Variants in CNTN5 observed in about 807,000 individuals in gnomAD.
CNTN5 encodes contactin-5.
A neutral mutation model predicts 129.1 loss-of-function variants in CNTN5; 77 were observed. That is an observed-to-expected ratio of 0.60 (90% confidence interval 0.50 to 0.72). The LOEUF (loss-of-function observed/expected upper bound fraction) is 0.72, where lower values mean the gene tolerates loss of function less well. Among genes scored for constraint, CNTN5 ranks in the 30% least tolerant of loss-of-function variants. CNTN5 has a pLI of 0.00. For missense variants in CNTN5, 1,478 were observed against 1,328.8 expected, an observed-to-expected ratio of 1.11 and a Z score of -1.75; for synonymous variants, 509 against 465.6, an observed-to-expected ratio of 1.09 and a Z score of -1.20.
intron 3 of CNTN5, among the ~76,000 whole-genome samples, chr11:99,628,650 A>C (rs948861724): frequency 6.6e-6 from 1 of 151,478 alleles, no homozygotes; most frequent in African/African-American, 2.4e-5. Flanking sequence ...ACACACACAC[A>C]CAGAAAGAGA....
chr11:99,737,798 C>T (rs1224582307), intron 3 of CNTN5, among the ~76,000 whole-genome samples: 1 of 152,092 alleles, frequency 6.6e-6, no homozygotes, highest in Non-Finnish European at 1.5e-5. Context: ...CTCGACTAAG[C>T]CTTCAGGATA....
intron 13 of CNTN5, among the ~76,000 whole-genome samples, chr11:100,117,854 T>C (rs1329753261): frequency 6.6e-6 from 1 of 151,814 alleles, no homozygotes; most frequent in East Asian, 1.9e-4. Flanking sequence ...GTCAATTGAA[T>C]ACCGTACTTC....
intron 1 of CNTN5, among the ~76,000 whole-genome samples, chr11:99,166,480 A>G (rs1235409209): frequency 6.6e-6 from 1 of 152,068 alleles, no homozygotes; most frequent in Non-Finnish European, 1.5e-5. Flanking sequence ...ATTTTCCTTA[A>G]GCCTCTCAGG....
At chr11:99,799,705 C>CT (rs972523470) in intron 3 of CNTN5, among the ~76,000 whole-genome samples, 8 of 151,822 alleles carry the variant, frequency 5.3e-5, no homozygotes, top group Non-Finnish European at 2.9e-5. Flanking sequence ...ATGTAATTTT[C>CT]TTTTTTTGTT....
At chr11:100,051,367 A>C (rs1373422917) in intron 9 of CNTN5, among the ~76,000 whole-genome samples, 1 of 152,112 alleles carries the variant, frequency 6.6e-6, no homozygotes, top group East Asian at 1.9e-4. Context: ...CCAAATATTT[A>C]GAAATTCAAA....
chr11:99,150,742 T>C (rs1316485736), intron 1 of CNTN5, among the ~76,000 whole-genome samples: 3 of 152,078 alleles, frequency 2.0e-5, no homozygotes. Flanking sequence ...ATTTTAAAGT[T>C]AAGGATAGTG....
At chr11:99,957,039 G>C in intron 8 of CNTN5, 30 bp downstream of exon 8, 2 of 1,581,950 alleles carry the variant, frequency 1.3e-6, no homozygotes, top group Non-Finnish European at 1.7e-6. Context: ...AAAATGGTCA[G>C]CCAACTCTAA....
At chr11:99,959,615 A>G (rs1359007805) in intron 8 of CNTN5, among the ~76,000 whole-genome samples, 3 of 152,202 alleles carry the variant, frequency 2.0e-5, no homozygotes, top group African/African-American at 7.2e-5. Context: ...TCATTATGTT[A>G]ATTGAACTGA....
chr11:99,928,875 T>G (rs1950125816), intron 7 of CNTN5, among the ~76,000 whole-genome samples: 1 of 152,232 alleles, frequency 6.6e-6, no homozygotes, highest in Non-Finnish European at 1.5e-5. Flanking sequence ...CTGCAAATTT[T>G]CTGAACTTCT....
intron 21 of CNTN5, among the ~76,000 whole-genome samples, chr11:100,333,796 A>T (rs1484448664): frequency 6.6e-6 from 1 of 152,246 alleles, no homozygotes; most frequent in Non-Finnish European, 1.5e-5. Flanking sequence ...AGATGGATCA[A>T]AGACTTAAAT....
intron 2 of CNTN5, among the ~76,000 whole-genome samples, chr11:99,354,201 A>G (rs984140568): frequency 2.6e-5 from 4 of 152,232 alleles, no homozygotes; most frequent in African/African-American, 9.7e-5. Context: ...TTAGTATAAC[A>G]TGAATGCTAC....
intron 18 of CNTN5, among the ~76,000 whole-genome samples, chr11:100,290,298 A>T (rs556201325): frequency 1.3e-5 from 2 of 152,344 alleles, no homozygotes; most frequent in East Asian, 3.9e-4. Context: ...TGCATTGCTA[A>T]GTCAATCCTA....
At chr11:99,697,205 T>C (rs1954307806) in intron 3 of CNTN5, among the ~76,000 whole-genome samples, 1 of 151,942 alleles carries the variant, frequency 6.6e-6, no homozygotes, top group South Asian at 2.1e-4. Context: ...TATGTAGCTG[T>C]TCAACGCTTA....
intron 2 of CNTN5, among the ~76,000 whole-genome samples, chr11:99,540,066 AG>A (rs1333699173): frequency 6.6e-6 from 1 of 152,176 alleles, no homozygotes; most frequent in Non-Finnish European, 1.5e-5. Flanking sequence ...AAGTCCCACA[AG>A]GACTCTCTTT....
At chr11:100,041,640 A>T (rs934299430) in intron 9 of CNTN5, among the ~76,000 whole-genome samples, 1 of 152,228 alleles carries the variant, frequency 6.6e-6, no homozygotes, top group Non-Finnish European at 1.5e-5. Flanking sequence ...TGAGAAAGGA[A>T]GGCAGCCAAT....
chr11:99,765,656 C>T (rs1174672069), intron 3 of CNTN5, among the ~76,000 whole-genome samples: 2 of 149,888 alleles, frequency 1.3e-5, no homozygotes, highest in Admixed American at 1.3e-4. Context: ...AATGCTGTTA[C>T]AAAAAAAGAA....
intron 1 of CNTN5, among the ~76,000 whole-genome samples, chr11:99,045,475 T>C (rs1864168571): frequency 6.6e-6 from 1 of 152,224 alleles, no homozygotes; most frequent in African/African-American, 2.4e-5. Flanking sequence ...ATACATTACC[T>C]GAGCAAATTA....
intron 13 of CNTN5, among the ~76,000 whole-genome samples, chr11:100,139,235 C>T (rs939795323): frequency 4.9e-4 from 74 of 151,994 alleles, no homozygotes; most frequent in African/African-American, 1.7e-3. Context: ...ATAATTAAAG[C>T]CCCGGTTTAG....
At chr11:99,680,689 C>T (rs1953511266) in intron 3 of CNTN5, among the ~76,000 whole-genome samples, 1 of 151,786 alleles carries the variant, frequency 6.6e-6, no homozygotes, top group Middle Eastern at 3.2e-3. Flanking sequence ...TTAATGGCAT[C>T]TAGAGTGGTG....
Sources: allele counts gnomAD v4.1 joint callset (sites outside exome capture counted in the v4.1 genomes callset), GRCh38; gene constraint gnomAD v4.1.1; transcripts MANE v1.5; gene names NCBI Gene and HGNC (gene_info 2026-07-23, HGNC 2026-07-21).